Variants in METTL15 observed in about 807,000 individuals in gnomAD.
METTL15 encodes the protein 12S rRNA N(4)-cytidine methyltransferase METTL15.
METTL15 carries 34 observed loss-of-function variants against 38.3 expected under a neutral mutation model. The ratio of observed to expected loss-of-function variants is 0.89; its 90% CI spans 0.68 to 1.18. METTL15 has a LOEUF of 1.18. Ranked by LOEUF, METTL15 falls within the 50% of genes most tolerant of loss-of-function variation. The pLI is 0.00. For missense variants in METTL15, 438 were observed against 498.4 expected (o/e 0.88, Z 1.15); for synonymous variants, 162 against 170.9 (o/e 0.95, Z 0.41).
chr11:28,330,597 G>T lies in METTL15; in HGVS notation c.980G>T (p.Arg327Leu). The T allele has an allele frequency of 6.4e-7, 1 of 1,551,434 alleles. No individual in the cohort carries two copies. The highest frequency in any genetic ancestry group is 8.7e-7 in the Non-Finnish European group (1 of 1,146,832). ...CTCTCCTTCCATTCACTAGAGGATC[G>T]CATCGTCAAAAGATTTTTGCTTGGA... ...VALSFHSLEDRIVKRFLLGIS... is the reference protein window; with the variant it reads ...VALSFHSLEDLIVKRFLLGIS... Residue 327 changes from arginine (R) to leucine (L), a missense_variant, in exon 7 of 7, where the codon CGC (arginine) becomes CTC (leucine). Physicochemically the swap from Arg to Leu is moderately radical, Grantham distance 102. Coordinates refer to ENST00000407364, the MANE Select transcript of METTL15 (RefSeq NM_001113528.2).
intron 6 of METTL15, among the ~76,000 whole-genome samples, chr11:28,516,670 T>C (rs1851722462): frequency 6.6e-6 from 1 of 152,176 alleles, no homozygotes; most frequent in Non-Finnish European, 1.5e-5. Flanking sequence ...TTCATAAATA[T>C]GGTAATTCTC....
chr11:28,414,989 A>G (rs982422462), intron 5 of METTL15, among the ~76,000 whole-genome samples: 43 of 152,218 alleles, frequency 2.8e-4, no homozygotes, highest in African/African-American at 1.0e-3. Context: ...AGATTCAGAA[A>G]ATCAAGAAAA....
intron 6 of METTL15, among the ~76,000 whole-genome samples, chr11:28,458,862 C>T (rs1851192026): frequency 6.6e-6 from 1 of 152,132 alleles, no homozygotes; most frequent in African/African-American, 2.4e-5. Context: ...GGAAGAATGT[C>T]GATTGGTAGA....
intron 3 of METTL15, among the ~76,000 whole-genome samples, chr11:28,115,929 TACAC>T (rs1381502819): frequency 2.0e-5 from 2 of 98,242 alleles, no homozygotes; most frequent in Non-Finnish European, 4.3e-5. Flanking sequence ...CACACACACA[TACAC>T]ATACACACAC....
chr11:28,280,910 C>A (rs965655149), intron 4 of METTL15, among the ~76,000 whole-genome samples: 2 of 150,084 alleles, frequency 1.3e-5, no homozygotes, highest in Admixed American at 6.7e-5. Flanking sequence ...TCTAGTTTGT[C>A]CTCTGTTTTC....
chr11:28,125,110 T>C (rs1003258924), intron 3 of METTL15, among the ~76,000 whole-genome samples: 3 of 152,082 alleles, frequency 2.0e-5, no homozygotes, highest in African/African-American at 7.2e-5. Context: ...TTGTAGAATG[T>C]TTTCTTGTTT....
intron 3 of METTL15, among the ~76,000 whole-genome samples, chr11:28,340,055 C>T (rs1275716798): frequency 6.6e-6 from 1 of 152,004 alleles, no homozygotes; most frequent in Non-Finnish European, 1.5e-5. Context: ...AAACTAGCAG[C>T]TCACTGAAAT....
intron 5 of METTL15, among the ~76,000 whole-genome samples, chr11:28,375,520 T>A (rs1163714837): frequency 6.6e-6 from 1 of 152,098 alleles, no homozygotes; most frequent in Non-Finnish European, 1.5e-5. Flanking sequence ...ATATCCCCTT[T>A]ATCATTTTTT....
At chr11:28,337,534 TA>T (rs921934736), downstream of METTL15, among the ~76,000 whole-genome samples, 2 of 152,080 alleles carry the variant, frequency 1.3e-5, no homozygotes, top group African/African-American at 4.8e-5. Context: ...ATTTTTTATA[TA>T]TTTAGTGTAA....
intron 5 of METTL15, among the ~76,000 whole-genome samples, chr11:28,388,851 GC>G (rs1206063593): frequency 2.0e-5 from 3 of 151,552 alleles, no homozygotes; most frequent in African/African-American, 7.3e-5. Flanking sequence ...CCCACAACAG[GC>G]CCCGGTGTGT....
chr11:28,474,282 C>T (rs915314835), intron 6 of METTL15, among the ~76,000 whole-genome samples: 1 of 151,742 alleles, frequency 6.6e-6, no homozygotes, highest in African/African-American at 2.4e-5. Flanking sequence ...ATGCTGGCCT[C>T]CCCCCTTGTG....
intron 4 of METTL15, among the ~76,000 whole-genome samples, chr11:28,284,931 C>T (rs945373305): frequency 1.3e-5 from 2 of 152,082 alleles, no homozygotes; most frequent in South Asian, 4.1e-4. Context: ...ATTGTAATCT[C>T]CATAATCTCC....
intron 6 of METTL15, among the ~76,000 whole-genome samples, chr11:28,480,394 A>G (rs1256834830): frequency 6.6e-6 from 1 of 152,240 alleles, no homozygotes; most frequent in Non-Finnish European, 1.5e-5. Flanking sequence ...ATAGATGTAA[A>G]TAATCTTAAG....
chr11:28,185,002 T>A (rs1047606389), intron 3 of METTL15, among the ~76,000 whole-genome samples: 1 of 151,494 alleles, frequency 6.6e-6, no homozygotes, highest in African/African-American at 2.4e-5. Context: ...ATCCACATTT[T>A]ACATAATGTG....
intron 6 of METTL15, among the ~76,000 whole-genome samples, chr11:28,489,959 G>A (rs183333952): frequency 1.3e-5 from 2 of 152,160 alleles, no homozygotes; most frequent in African/African-American, 4.8e-5. Context: ...CCCTGTTCCT[G>A]CGTTTTCCTC....
intron 6 of METTL15, among the ~76,000 whole-genome samples, chr11:28,308,550 G>C (rs1040672728): frequency 3.9e-5 from 6 of 152,028 alleles, no homozygotes; most frequent in African/African-American, 1.4e-4. Context: ...TGTTTATGTA[G>C]TGCTTCAAAG....
At chr11:28,402,431 A>T (rs1850638292) in intron 5 of METTL15, among the ~76,000 whole-genome samples, 1 of 151,938 alleles carries the variant, frequency 6.6e-6, no homozygotes, top group Non-Finnish European at 1.5e-5. Flanking sequence ...TGACTTCAGG[A>T]TAAAGTTTAA....
At position 28,331,095 on chromosome 11, in the gene METTL15, C is replaced by T. The variant is rs1283079300; in HGVS notation, c.*254C>T. The T allele has an allele frequency of 7.6e-6, 2 of 263,456 alleles. No individual in the cohort carries two copies. Among genetic ancestry groups the T allele is most frequent in the Admixed American group, 5.3e-5 (1 of 18,752 alleles). 16.3% of individuals were successfully genotyped at this position (263,456 alleles called of 1,614,324 possible). A position where few individuals can be genotyped will look rare whatever the true frequency, so the allele number is the denominator to read the frequency against. On this transcript the variant is annotated 3_prime_UTR_variant, in exon 7 of 7. Transcript: ENST00000407364. ...ATCATATTGGACTCTTGAAGGCAAT[C>T]CTTCCTCTGGCCAGGAAATTTTTTA...
chr11:28,383,864 G>A (rs1348401390), intron 5 of METTL15, among the ~76,000 whole-genome samples: 1 of 151,878 alleles, frequency 6.6e-6, no homozygotes, highest in African/African-American at 2.4e-5. Flanking sequence ...TTGTTAGATA[G>A]GTAAACTCAT....
Sources: allele counts gnomAD v4.1 joint callset (sites outside exome capture counted in the v4.1 genomes callset), GRCh38; gene constraint gnomAD v4.1.1; transcripts MANE v1.5; gene names NCBI Gene and HGNC (gene_info 2026-07-23, HGNC 2026-07-21).